The following CDH13 variants were observed in gnomAD, a reference collection of about 807,000 sequenced individuals.
CDH13 encodes the protein cadherin 13.
Under a neutral mutation model 63.8 loss-of-function variants are expected in CDH13, and 24 were observed. The observed-to-expected ratio is 0.38, with a 90% CI of 0.27 to 0.53. CDH13 has a LOEUF of 0.53. Among genes scored for constraint, CDH13 ranks in the 20% least tolerant of loss-of-function variants. The pLI is 0.85. For missense variants in CDH13, 1,049 were observed against 903.1 expected (o/e 1.16, Z -2.07); for synonymous variants, 503 against 355.3 (o/e 1.42, Z -4.67).
In CDH13 at chr16:83,168,679, A is replaced by G. The variant is rs543515031; in HGVS notation, c.483+43178A>G. Among the ~76,000 whole-genome samples the G allele has an allele frequency of 6.3e-4, 95 of 151,980 alleles. 1 individual carries two copies. Among genetic ancestry groups the G allele is most frequent in the Non-Finnish European group, 1.2e-3 (79 of 67,972 alleles). On this transcript the variant is annotated intron_variant, in intron 4 of 13. Coordinates refer to ENST00000567109, the MANE Select transcript of CDH13 (RefSeq NM_001257.5). The stretch of plus-strand genomic sequence containing the variant: ...ATAACATATTGGTGCTTTTACTTCT[A>G]TTTTTTTCTATCCATATGAGTATAA...
chr16:83,561,153 A>G (rs796585128), intron 7 of CDH13, among the ~76,000 whole-genome samples: 5 of 152,138 alleles, frequency 3.3e-5, no homozygotes, highest in African/African-American at 1.2e-4. Flanking sequence ...CATTCCTTCA[A>G]AAGAGACTTC....
At chr16:83,632,843 G>C (rs1237302770) in intron 8 of CDH13, among the ~76,000 whole-genome samples, 1 of 151,300 alleles carries the variant, frequency 6.6e-6, no homozygotes. Context: ...GTTATCTCTT[G>C]ATTATATGCT....
At chr16:83,036,101 C>T (rs1916825272) in intron 3 of CDH13, among the ~76,000 whole-genome samples, 1 of 150,584 alleles carries the variant, frequency 6.6e-6, no homozygotes, top group South Asian at 2.1e-4. Context: ...CGGAAGAGGG[C>T]CTCAGACCTT....
chr16:82,759,853 A>G (rs191545442), intron 1 of CDH13, among the ~76,000 whole-genome samples: 107 of 152,128 alleles, frequency 7.0e-4, no homozygotes, highest in African/African-American at 2.4e-3. Flanking sequence ...CTCTGTTGCC[A>G]TAATTCAGCA....
chr16:83,751,819 A>G (rs1278554132), intron 11 of CDH13, among the ~76,000 whole-genome samples: 1 of 152,242 alleles, frequency 6.6e-6, no homozygotes, highest in Non-Finnish European at 1.5e-5. Context: ...AGGAATGACT[A>G]TTTCATCAAC....
At chr16:82,829,012 A>G (rs1226371772) in intron 1 of CDH13, among the ~76,000 whole-genome samples, 1 of 152,116 alleles carries the variant, frequency 6.6e-6, no homozygotes, top group Non-Finnish European at 1.5e-5. Context: ...GGCTAGAGCG[A>G]TGGGTTTTAG....
intron 3 of CDH13, among the ~76,000 whole-genome samples, chr16:83,094,290 G>T (rs1320820321): frequency 6.6e-6 from 1 of 152,148 alleles, no homozygotes; most frequent in Non-Finnish European, 1.5e-5. Flanking sequence ...TACTGGGAAA[G>T]CCTCTCCCAT....
chr16:83,446,260 G>A (rs1481389935), intron 6 of CDH13, among the ~76,000 whole-genome samples: 1 of 148,684 alleles, frequency 6.7e-6, no homozygotes, highest in Non-Finnish European at 1.5e-5. Flanking sequence ...CCGAGATCAT[G>A]CCACTGCACT....
intron 6 of CDH13, among the ~76,000 whole-genome samples, chr16:83,449,940 T>C (rs766431506): frequency 2.0e-5 from 3 of 152,166 alleles, no homozygotes; most frequent in Admixed American, 6.5e-5. Flanking sequence ...GGAACTCTAA[T>C]AGAAGAAAAA....
intron 1 of CDH13, among the ~76,000 whole-genome samples, chr16:82,792,004 T>C (rs1470417737): frequency 6.6e-6 from 1 of 152,078 alleles, no homozygotes; most frequent in Non-Finnish European, 1.5e-5. Context: ...CAAGATGAGA[T>C]TTGGGTGGGG....
chr16:83,561,502 G>A (rs545843503), intron 7 of CDH13, among the ~76,000 whole-genome samples: 86 of 151,506 alleles, frequency 5.7e-4, no homozygotes, highest in Middle Eastern at 3.5e-3. Context: ...TTCTGCAAGG[G>A]GTCTACATTT....
intron 5 of CDH13, among the ~76,000 whole-genome samples, chr16:83,257,633 G>A (rs563414480): frequency 5.8e-4 from 88 of 152,300 alleles, no homozygotes; most frequent in Non-Finnish European, 8.8e-4. Context: ...ATTGTGTGGC[G>A]TATATGTACC....
At chr16:82,971,831 G>C (rs973399615) in intron 2 of CDH13, among the ~76,000 whole-genome samples, 2 of 152,168 alleles carry the variant, frequency 1.3e-5, no homozygotes, top group East Asian at 3.9e-4. Flanking sequence ...GATCCTATTT[G>C]AGGGGGGAAG....
intron 1 of CDH13, among the ~76,000 whole-genome samples, chr16:82,730,658 A>G (rs1434190248): frequency 6.6e-6 from 1 of 152,234 alleles, no homozygotes; most frequent in African/African-American, 2.4e-5. Flanking sequence ...CTGTTGGAAA[A>G]ATGACACCAA....
intron 6 of CDH13, among the ~76,000 whole-genome samples, chr16:83,358,748 C>T (rs1215453750): frequency 2.0e-5 from 3 of 152,056 alleles, no homozygotes; most frequent in Non-Finnish European, 4.4e-5. Flanking sequence ...AAAATTGAGT[C>T]TTTATTGGAA....
intron 4 of CDH13, among the ~76,000 whole-genome samples, chr16:83,191,528 C>CATATATATATATATAT (rs1479803621): frequency 1.2e-3 from 86 of 70,028 alleles, no homozygotes; most frequent in Non-Finnish European, 1.9e-3. Flanking sequence ...CACACACACA[C>CATATATATATATATAT]ACATATATAT....
At chr16:82,978,579 G>A (rs535967868) in intron 2 of CDH13, among the ~76,000 whole-genome samples, 37 of 152,342 alleles carry the variant, frequency 2.4e-4, no homozygotes, top group African/African-American at 6.0e-4. Context: ...TTGTGGCTTC[G>A]GTGGGTGCAA....
At chr16:83,687,093 G>C (rs1904377970) in intron 10 of CDH13, among the ~76,000 whole-genome samples, 1 of 152,020 alleles carries the variant, frequency 6.6e-6, no homozygotes, top group South Asian at 2.1e-4. Context: ...CTTGCCTGTA[G>C]TCCCAGCTAC....
intron 1 of CDH13, among the ~76,000 whole-genome samples, chr16:82,661,486 C>G (rs2150925781): frequency 6.6e-6 from 1 of 152,330 alleles, no homozygotes; most frequent in African/African-American, 2.4e-5. Context: ...TCATGCCAGG[C>G]AGCCAGCAGA....
Sources: gnomAD v4.1 joint callset for allele counts (sites outside exome capture counted in the v4.1 genomes callset) on GRCh38, gnomAD v4.1.1 for gene constraint, MANE v1.5 for transcripts, NCBI Gene and HGNC (gene_info 2026-07-23, HGNC 2026-07-21) for gene names.